CELF1: variants seen among roughly 807,000 people sequenced by gnomAD.
The protein encoded by CELF1 is 50 kDa nuclear polyadenylated RNA-binding protein.
In CELF1, 10 loss-of-function variants were observed where a neutral mutation model predicts 61.8. The ratio of observed to expected loss-of-function variants is 0.16; its 90% CI spans 0.10 to 0.27. The LOEUF (loss-of-function observed/expected upper bound fraction) is 0.27. CELF1 is among the 10% of genes least tolerant of loss of function. The probability of loss-of-function intolerance (pLI) is 1.00; values close to 1 mark genes in which losing one functional copy is unlikely to be tolerated. For missense variants in CELF1, 380 were observed against 639.1 expected (o/e 0.59, Z 4.37); for synonymous variants, 236 against 225.1 (o/e 1.05, Z -0.43).
At chr11:47,529,102 G>C (rs2153684319) in intron 1 of CELF1, among the ~76,000 whole-genome samples, 1 of 144,566 alleles carries the variant, frequency 6.9e-6, no homozygotes, top group East Asian at 2.0e-4. Context: ...TTTTGAGACA[G>C]AGTCTTGCTC....
rs2076945020 is a variant in CELF1, at chr11:47,467,960, G to A, written c.*4270C>T. On this transcript the variant is annotated 3_prime_UTR_variant, in exon 15 of 15. Coordinates refer to ENST00000687097, the MANE Select transcript of CELF1 (RefSeq NM_001376376.1). ...TTTTGCACAAACTATAGAAAACAGA[G>A]AGGTGAAGGTGATATATACGAAGGT... The A allele has an allele frequency of 6.6e-6, 1 of 152,174 alleles. No homozygotes were observed. The highest frequency in any genetic ancestry group is 1.5e-5 in the Non-Finnish European group (1 of 68,030). 9.4% of individuals were successfully genotyped at this position (152,174 alleles called of 1,614,324 possible).
At chr11:47,504,140 A>C (rs2094244567) in intron 1 of CELF1, among the ~76,000 whole-genome samples, 1 of 152,170 alleles carries the variant, frequency 6.6e-6, no homozygotes, top group Non-Finnish European at 1.5e-5. Flanking sequence ...GAGCCACTGC[A>C]CTCTAGCCTG....
chr11:47,512,888 C>T (rs1211720416), intron 1 of CELF1, among the ~76,000 whole-genome samples: 3 of 152,164 alleles, frequency 2.0e-5, no homozygotes, highest in Admixed American at 1.3e-4. Flanking sequence ...CTCTCAGGAG[C>T]TGGAGGCCTG....
chr11:47,489,048 C>T (rs11039262), intron 3 of CELF1, 24 bp from the exon 4 acceptor site: 1 of 1,496,290 alleles, frequency 6.7e-7, no homozygotes, highest in Non-Finnish European at 8.9e-7. Flanking sequence ...AATGAAACTT[C>T]TATTATGTAA....
intron 9 of CELF1, among the ~76,000 whole-genome samples, chr11:47,482,196 C>A (rs1375715688): frequency 6.7e-6 from 1 of 150,222 alleles, no homozygotes; most frequent in East Asian, 1.9e-4. Flanking sequence ...GTGAGTGAGA[C>A]TCCGTCTCAA....
At chr11:47,539,193 A>G (rs2096712436) in intron 1 of CELF1, among the ~76,000 whole-genome samples, 1 of 152,178 alleles carries the variant, frequency 6.6e-6, no homozygotes, top group African/African-American at 2.4e-5. Flanking sequence ...TCATATTCCT[A>G]AAAAAATTAA....
At chr11:47,523,660 T>C (rs1310847419) in intron 1 of CELF1, 1 of 152,296 alleles carries the variant, frequency 6.6e-6, no homozygotes, top group African/African-American at 2.4e-5. Flanking sequence ...AATAACGTCC[T>C]TTCCTCTCCT....
In CELF1 at chr11:47,475,999, A is replaced by T. The variant is rs796407374; in HGVS notation, c.1088-478T>A. 6.9e-4 allele frequency among the ~76,000 whole-genome samples: 99 copies of T among 142,706 alleles called. 1 individual carries two copies. The highest frequency in any genetic ancestry group is 2.4e-3 in the African/African-American group (94 of 38,970). The allele number at this position is 142,706 out of a possible 152,430, so 93.6% of individuals were successfully genotyped here. A position where few individuals can be genotyped will look rare whatever the true frequency, so the allele number is the denominator to read the frequency against. ...TCAGCAGCACTTTACCTATGTTCTA[A>T]TTTTTTTTTTTTTTTTTGGAGACAG... On this transcript the variant is annotated intron_variant, in intron 12 of 14. Coordinates refer to ENST00000687097, the MANE Select transcript of CELF1 (RefSeq NM_001376376.1).
intron 1 of CELF1, among the ~76,000 whole-genome samples, chr11:47,540,603 G>A (rs1316937048): frequency 1.3e-5 from 2 of 152,166 alleles, no homozygotes; most frequent in East Asian, 3.9e-4. Flanking sequence ...CAGGCAAGCA[G>A]GCTGGGCGCG....
At chr11:47,537,741 C>T (rs986376062) in intron 1 of CELF1, among the ~76,000 whole-genome samples, 45 of 152,156 alleles carry the variant, frequency 3.0e-4, no homozygotes, top group African/African-American at 1.0e-3. Flanking sequence ...AATTAAAGTG[C>T]CATTTGACTA....
upstream of CELF1, among the ~76,000 whole-genome samples, chr11:47,553,596 T>C (rs2097190510): frequency 6.6e-6 from 1 of 152,168 alleles, no homozygotes. Context: ...GGCACGCCCC[T>C]TTTTGCCCCA....
upstream of CELF1, among the ~76,000 whole-genome samples, chr11:47,555,293 T>C (rs1343615043): frequency 1.3e-5 from 2 of 152,230 alleles, no homozygotes; most frequent in Non-Finnish European, 1.5e-5. Context: ...TCAATAGATA[T>C]TTCTTGAAGA....
intron 1 of CELF1, among the ~76,000 whole-genome samples, chr11:47,508,235 G>A (rs1403327463): frequency 6.6e-6 from 1 of 152,170 alleles, no homozygotes; most frequent in African/African-American, 2.4e-5. Context: ...CCTGTTAAGA[G>A]TTCTTCTGGA....
chr11:47,565,195 G>A (rs2097241204), intron 1 of CELF1: 1 of 152,704 alleles, frequency 6.5e-6, no homozygotes, highest in East Asian at 1.9e-4. Flanking sequence ...TCCTCTGGTC[G>A]AGGGTTGGGG....
Position 47,467,471 on chromosome 11 carries a change from G to C in CELF1, c.*4759C>G, listed in dbSNP as rs2076860455. On this transcript the variant is annotated 3_prime_UTR_variant, in exon 15 of 15. Transcript: ENST00000687097. ...TAAGCAAGAGCAGAGCTGTGATGAA[G>C]AGCCAGTGCCGGGTGGCTGGTGCCC... The C allele has an allele frequency of 6.6e-6, 1 of 152,334 alleles. No homozygotes were observed. The highest frequency in any genetic ancestry group is 2.4e-5 in the African/African-American group (1 of 41,446). The allele number at this position is 152,334 out of a possible 1,614,324, so 9.4% of individuals were successfully genotyped here.
chr11:47,558,535 TTA>T (rs2097213217), intron 2 of CELF1, among the ~76,000 whole-genome samples: 1 of 112,124 alleles, frequency 8.9e-6, no homozygotes, highest in Non-Finnish European at 1.7e-5. Flanking sequence ...ATGTATATAT[TTA>T]TATATTTATA....
intron 1 of CELF1, among the ~76,000 whole-genome samples, chr11:47,507,475 AG>A (rs2094604515): frequency 6.6e-6 from 1 of 152,178 alleles, no homozygotes; most frequent in African/African-American, 2.4e-5. Context: ...AAAAAAAATC[AG>A]AAGATGGGGA....
rs2096694617 is a variant in CELF1 at position 47,538,640 on chromosome 11, C to T, written c.-154+14352G>A. ...CCTGGGCAAAAGAGCAAGACTCCGT[C>T]TCAAAAAAAAAAAAAAAAAAAATCT... is the stretch of plus-strand genomic sequence containing the variant. On this transcript the variant is annotated intron_variant, in intron 1 of 14. Coordinates refer to ENST00000687097, the MANE Select transcript of CELF1 (RefSeq NM_001376376.1). Among the ~76,000 whole-genome samples, 3 of 44,618 alleles carry T rather than the reference C, an allele frequency of 6.7e-5. No homozygotes were observed. In the Admixed American group the frequency reaches 1.1e-3, roughly 16 times the overall value. 29.3% of individuals were successfully genotyped at this position (44,618 alleles called of 152,430 possible). A position where few individuals can be genotyped will look rare whatever the true frequency, so the allele number is the denominator to read the frequency against.
In CELF1 at chr11:47,491,803, G is replaced by GTATA. The variant is rs1281728788; in HGVS notation, c.72-2783_72-2780dup. On this transcript the variant is annotated intron_variant, in intron 3 of 14. Coordinates refer to ENST00000687097, the MANE Select transcript of CELF1 (RefSeq NM_001376376.1). ...CTGTTCATTCTTGTAAACACACTGGGTATAGTATCCGGTTCAAAGTAAGCA... is the reference window on the plus strand; with the variant it reads ...CTGTTCATTCTTGTAAACACACTGGGTATATATAGTATCCGGTTCAAAGTAAGCA... Among the ~76,000 whole-genome samples the GTATA allele has an allele frequency of 2.0e-5, 3 of 152,308 alleles. No homozygotes were observed. The East Asian group carries it at 5.8e-4, about 29-fold the overall frequency.
Sources: gnomAD v4.1 joint callset for allele counts (sites outside exome capture counted in the v4.1 genomes callset) on GRCh38, gnomAD v4.1.1 for gene constraint, MANE v1.5 for transcripts, NCBI Gene and HGNC (gene_info 2026-07-23, HGNC 2026-07-21) for gene names.